The following HELZ variants were observed in gnomAD, a reference collection of about 807,000 sequenced individuals.
The protein encoded by HELZ is helicase with zinc finger, also known as ATP-dependent RNA helicase with zinc finger domain.
HELZ carries 23 observed loss-of-function variants against 218.2 expected under a neutral mutation model. The ratio of observed to expected loss-of-function variants is 0.11; its 90% confidence interval spans 0.08 to 0.15. The LOEUF is 0.15. Among genes scored for constraint, HELZ ranks in the 10% least tolerant of loss-of-function variants. The probability of loss-of-function intolerance (pLI) is 1.00; values close to 1 mark genes in which losing one functional copy is unlikely to be tolerated. For missense variants in HELZ, 1,813 were observed against 2,353.7 expected (o/e 0.77, Z 4.75); for synonymous variants, 814 against 829.4 (o/e 0.98, Z 0.32).
chr17:67,113,073 A>G (rs200823360), intron 28 of HELZ, among the ~76,000 whole-genome samples: 1 of 152,330 alleles, frequency 6.6e-6, no homozygotes, highest in East Asian at 1.9e-4. Flanking sequence ...GAAATGAGGC[A>G]GTAGCTATAA....
In HELZ at chr17:67,114,376, G is replaced by T; in HGVS notation, c.3866C>A (p.Pro1289His). Reference sequence around the variant, plus strand: ...TGGTGTTCGAATCTTATTAATTTCAGGTCCGGAATTATTTGTATCACTTTT... The same window carrying T: ...TGGTGTTCGAATCTTATTAATTTCATGTCCGGAATTATTTGTATCACTTTT... ...NGKSDTNNSGPEINKIRTPEK... is the reference protein window; with the variant it reads ...NGKSDTNNSGHEINKIRTPEK... The change falls in exon 28 of 33, where the codon CCT (proline) becomes CAT (histidine). Residue 1289 changes from proline to histidine, a missense_variant. Pro to His is a moderately conservative substitution (Grantham distance 77). Around this residue, in one of 4 missense-constraint regions of HELZ, gnomAD observed 938 missense variants for 1,027.5 expected, o/e 0.91. Transcript: ENST00000358691. 2 of 1,610,276 alleles carry T rather than the reference G, an allele frequency of 1.2e-6. No homozygotes were observed. The highest frequency in any genetic ancestry group is 1.7e-6 in the Non-Finnish European group (2 of 1,176,726).
chr17:67,222,736 G>C (rs1170084853), intron 3 of HELZ, among the ~76,000 whole-genome samples: 1 of 152,284 alleles, frequency 6.6e-6, no homozygotes, highest in East Asian at 1.9e-4. Flanking sequence ...AAGCAAAACT[G>C]TCTGTCAAAG....
intron 23 of HELZ, among the ~76,000 whole-genome samples, chr17:67,134,494 TAC>T (rs2038084732): frequency 6.6e-6 from 1 of 152,200 alleles, no homozygotes. Context: ...CAGAATTGTT[TAC>T]AGATAAATAA....
intron 32 of HELZ, among the ~76,000 whole-genome samples, chr17:67,085,330 G>C (rs2036335858): frequency 6.6e-6 from 1 of 152,094 alleles, no homozygotes; most frequent in Non-Finnish European, 1.5e-5. Flanking sequence ...GCTGAGGCAG[G>C]AGGATCATTT....
intron 4 of HELZ, among the ~76,000 whole-genome samples, chr17:67,217,751 C>G (rs568430389): frequency 1.6e-4 from 24 of 152,260 alleles, no homozygotes; most frequent in African/African-American, 5.8e-4. Context: ...TGGCTCACCC[C>G]CTTGCCTCTG....
chr17:67,144,602 C>A (rs993238156), intron 21 of HELZ, among the ~76,000 whole-genome samples: 4 of 151,868 alleles, frequency 2.6e-5, no homozygotes, highest in Admixed American at 6.6e-5. Context: ...GAACAAGTAA[C>A]CCAGGCTGAG....
chr17:67,216,655 T>C (rs1272279009), intron 4 of HELZ, among the ~76,000 whole-genome samples: 1 of 152,124 alleles, frequency 6.6e-6, no homozygotes, highest in East Asian at 1.9e-4. Context: ...GCCCTCTTTT[T>C]AAGCAGACTT....
At chr17:67,180,276 G>A (rs1366796744) in intron 12 of HELZ, among the ~76,000 whole-genome samples, 1 of 151,908 alleles carries the variant, frequency 6.6e-6, no homozygotes, top group Non-Finnish European at 1.5e-5. Context: ...TTGAGGTCAG[G>A]AGTTCAAGAC....
intron 3 of HELZ, chr17:67,225,358 G>C (rs1024241683): frequency 6.0e-6 from 1 of 166,238 alleles, no homozygotes; most frequent in East Asian, 1.8e-4. Flanking sequence ...TTCAAATCCA[G>C]GCAGCCCGAC....
Position 67,120,498 on chromosome 17 carries a change from T to C in HELZ, c.3745A>G (p.Ile1249Val), listed in dbSNP as rs749545590. The C allele has an allele frequency of 6.2e-7, 1 of 1,613,916 alleles. No homozygotes were observed. Among genetic ancestry groups the C allele is most frequent in the East Asian group, 2.2e-5 (1 of 44,878 alleles). Residue 1249 changes from isoleucine to valine, a missense_variant, in exon 27 of 33, where the codon ATT (isoleucine) becomes GTT (valine). Ile to Val is a conservative substitution (Grantham distance 29). Around this residue, in one of 4 missense-constraint regions of HELZ, gnomAD observed 938 missense variants for 1,027.5 expected, o/e 0.91. Transcript: ENST00000358691. ...GGGTGATGTCCAAGGCCATAAGGAA[T>C]AGGAGATCCTCGTCCATGTGTCTGT... is the stretch of plus-strand genomic sequence containing the variant. ...LLQTHGRGSP[I>V]PYGLGHHPPV...
At chr17:67,141,071 A>G (rs536934518) in intron 21 of HELZ, among the ~76,000 whole-genome samples, 4 of 152,238 alleles carry the variant, frequency 2.6e-5, no homozygotes, top group African/African-American at 7.2e-5. Context: ...TATAAGAAAT[A>G]CTAAAGGAAG....
intron 3 of HELZ, among the ~76,000 whole-genome samples, chr17:67,228,126 T>C (rs970030885): frequency 6.6e-6 from 1 of 152,250 alleles, no homozygotes; most frequent in Non-Finnish European, 1.5e-5. Flanking sequence ...TGATGAGTTA[T>C]GTTAACCATA....
At chr17:67,243,860 G>A (rs538984843) in intron 1 of HELZ, 21 bp from the exon 2 acceptor site, 1 of 311,162 alleles carries the variant, frequency 3.2e-6, no homozygotes, top group African/African-American at 2.3e-5. Flanking sequence ...TAGAAAAGAT[G>A]TTTCCATACA....
intron 5 of HELZ, among the ~76,000 whole-genome samples, chr17:67,212,203 C>T (rs974452096): frequency 1.3e-5 from 2 of 149,874 alleles, no homozygotes; most frequent in African/African-American, 4.9e-5. Flanking sequence ...TGCCTGCAAT[C>T]CCAGCTACTG....
chr17:67,121,098 A>G (rs981936862), intron 26 of HELZ, among the ~76,000 whole-genome samples: 1 of 152,218 alleles, frequency 6.6e-6, no homozygotes, highest in Admixed American at 6.5e-5. Flanking sequence ...GAGTAACCAC[A>G]TCATTTAATG....
upstream of HELZ, chr17:67,245,536 G>A: frequency 1.0e-5 from 10 of 983,392 alleles, no homozygotes; most frequent in African/African-American, 1.7e-5. Flanking sequence ...CTTGCCGCCC[G>A]CGGCGCGGCG....
intron 31 of HELZ, among the ~76,000 whole-genome samples, chr17:67,102,200 G>GATAT (rs1328773369): frequency 6.6e-6 from 1 of 152,188 alleles, no homozygotes; most frequent in Non-Finnish European, 1.5e-5. Flanking sequence ...ATTCAGTGGT[G>GATAT]ATATAGGTGG....
Position 67,086,835 on chromosome 17 carries a change from A to T in HELZ, c.5488T>A (p.Leu1830Met), listed in dbSNP as rs1438654687. ...GSSRTAQPRE[L>M]IAPPKTVKPP... ...GCCACCAACTCTGTCTTACCTATCA[A>T]CTCTCTGGGCTGAGCTGTCCTGCTG... is the stretch of plus-strand genomic sequence containing the variant. The change falls in exon 32 of 33, where the codon TTG (leucine) becomes ATG (methionine). Residue 1830 changes from leucine to methionine, a missense_variant. Transcript: ENST00000358691. The T allele has an allele frequency of 1.2e-6, 2 of 1,613,024 alleles. No homozygotes were observed. Among genetic ancestry groups the T allele is most frequent in the East Asian group, 4.5e-5 (2 of 44,828 alleles).
rs1259114784 is a variant in HELZ, at chr17:67,178,674, T to C, written c.1415A>G (p.Tyr472Cys). The change falls in exon 13 of 33, where the codon TAT becomes TGT. Residue 472 changes from tyrosine to cysteine, a missense_variant. By Grantham distance (194) the Tyr-to-Cys change is radical. Transcript: ENST00000358691. ...DLLYIEEIAQ[Y>C]KEISKFNLKV... ...AGTAACTTACTTGCTGATTTCTTTA[T>C]ACTGGGCTATCTCCTCAATATAAAG... The C allele has an allele frequency of 3.1e-6, 5 of 1,612,106 alleles. No homozygotes were observed. The highest frequency in any genetic ancestry group is 1.3e-5 in the African/African-American group (1 of 74,946).
Sources: gnomAD v4.1 joint callset for allele counts (sites outside exome capture counted in the v4.1 genomes callset) on GRCh38, gnomAD v4.1.1 for gene constraint, gnomAD v4.1.1 regional missense constraint, MANE v1.5 for transcripts, NCBI Gene and HGNC (gene_info 2026-07-23, HGNC 2026-07-21) for gene names.